MAGI1: variants seen among roughly 807,000 people sequenced by gnomAD.
MAGI1 encodes the protein membrane associated guanylate kinase, WW and PDZ domain containing 1.
MAGI1 carries 58 observed loss-of-function variants against 139.9 expected under a neutral mutation model. The ratio of observed to expected loss-of-function variants is 0.41; its 90% CI spans 0.34 to 0.52. The LOEUF (loss-of-function observed/expected upper bound fraction) is 0.52, where lower values mean the gene tolerates loss of function less well. MAGI1 is among the 20% of genes least tolerant of loss of function. MAGI1 has a pLI of 0.12. For synonymous variants in MAGI1, 812 were observed against 737.9 expected (o/e 1.10, Z -1.63); for missense variants, 1,874 against 1,901.6 (o/e 0.99, Z 0.27).
chr3:65,746,986 C>T lies in MAGI1; in HGVS notation c.314-124898G>A, dbSNP rs139493329. Among the ~76,000 whole-genome samples the T allele has an allele frequency of 5.5e-4, 84 of 152,132 alleles. 2 individuals are homozygous for T. Among genetic ancestry groups the T allele is most frequent in the Non-Finnish European group, 1.0e-3 (68 of 68,040 alleles). ...TGATCTAGTCTGGGCTAATGGAAGACGCCTTGATGAGGCACATTTAGAGTG... is the reference window on the plus strand; with the variant it reads ...TGATCTAGTCTGGGCTAATGGAAGATGCCTTGATGAGGCACATTTAGAGTG... On this transcript the variant is annotated intron_variant, in intron 1 of 22. Coordinates refer to ENST00000402939, the MANE Select transcript of MAGI1 (RefSeq NM_001033057.2).
chr3:65,423,009 T>C (rs1575689175), intron 12 of MAGI1, among the ~76,000 whole-genome samples: 1 of 152,268 alleles, frequency 6.6e-6, no homozygotes, highest in Non-Finnish European at 1.5e-5. Flanking sequence ...GCGAGGCCAC[T>C]GCAAGGCCAG....
intron 4 of MAGI1, among the ~76,000 whole-genome samples, chr3:65,473,679 A>G (rs1950695946): frequency 6.8e-6 from 1 of 147,680 alleles, no homozygotes; most frequent in South Asian, 2.1e-4. Context: ...CAATGTTCCC[A>G]GACAATGCGT....
intron 1 of MAGI1, among the ~76,000 whole-genome samples, chr3:65,666,294 A>AT (rs2086518410): frequency 6.6e-6 from 1 of 152,220 alleles, no homozygotes; most frequent in Admixed American, 6.5e-5. Context: ...ATAATCAGAG[A>AT]TACTATAAAT....
chr3:65,461,128 T>C (rs142528754), intron 5 of MAGI1, among the ~76,000 whole-genome samples: 1,682 of 152,294 alleles, frequency 0.011, 36 homozygotes, highest in African/African-American at 0.038. Flanking sequence ...TGCCACACCG[T>C]CTTCCACAAT....
rs187678706 is a variant in MAGI1, at chr3:65,628,334, C to T, written c.314-6246G>A. Among the ~76,000 whole-genome samples the T allele has an allele frequency of 5.3e-5, 8 of 152,136 alleles. 1 individual carries two copies. The highest frequency in any genetic ancestry group is 1.9e-4 in the African/African-American group (8 of 41,480). ...ACTCGTTATATAGTTGTACTCATGGCTATGGTTTATTCCAGCAAAAAGATA... is the reference window on the plus strand; with the variant it reads ...ACTCGTTATATAGTTGTACTCATGGTTATGGTTTATTCCAGCAAAAAGATA... On this transcript the variant is annotated intron_variant, in intron 1 of 22. Transcript: ENST00000402939.
At chr3:65,916,029 C>G (rs1370622511) in intron 1 of MAGI1, among the ~76,000 whole-genome samples, 2 of 148,160 alleles carry the variant, frequency 1.3e-5, no homozygotes, top group Non-Finnish European at 3.0e-5. Context: ...TTATAATATT[C>G]AATACACAGT....
At chr3:65,900,482 A>G (rs2061177718) in intron 1 of MAGI1, among the ~76,000 whole-genome samples, 1 of 152,210 alleles carries the variant, frequency 6.6e-6, no homozygotes, top group Non-Finnish European at 1.5e-5. Context: ...CACTCAATAA[A>G]TGTTCACTTA....
At chr3:65,512,516 T>G (rs1321927915) in intron 2 of MAGI1, among the ~76,000 whole-genome samples, 4 of 151,474 alleles carry the variant, frequency 2.6e-5, no homozygotes, top group Admixed American at 1.3e-4. Context: ...CATCAGAGAA[T>G]ACTACAAACA....
chr3:65,579,295 CA>C (rs1355412385), intron 2 of MAGI1, among the ~76,000 whole-genome samples: 1 of 152,024 alleles, frequency 6.6e-6, no homozygotes, highest in African/African-American at 2.4e-5. Context: ...AAGCTTCTGC[CA>C]AAAAACTAGG....
chr3:65,939,653 C>T (rs946381008), intron 1 of MAGI1, among the ~76,000 whole-genome samples: 4 of 152,144 alleles, frequency 2.6e-5, no homozygotes, highest in African/African-American at 7.2e-5. Context: ...TCTCCATACT[C>T]AGACAGGCCC....
At chr3:65,499,070 AAAAC>A in intron 2 of MAGI1, 14 of 978,906 alleles carry the variant, frequency 1.4e-5, no homozygotes, top group Non-Finnish European at 1.7e-5. Context: ...TAAAAAAAAA[AAAAC>A]AAAAAACTCT....
intron 1 of MAGI1, among the ~76,000 whole-genome samples, chr3:65,770,486 T>C (rs749653430): frequency 4.9e-4 from 75 of 152,052 alleles, no homozygotes; most frequent in Admixed American, 1.9e-3. Flanking sequence ...CAACCCTTAA[T>C]AGGGGCAAGG....
At chr3:65,856,776 T>C (rs971399602) in intron 1 of MAGI1, among the ~76,000 whole-genome samples, 1 of 152,156 alleles carries the variant, frequency 6.6e-6, no homozygotes, top group South Asian at 2.1e-4. Flanking sequence ...TAACCCTCTC[T>C]GCAAAACTAC....
chr3:65,824,368 G>A (rs1002029598), intron 1 of MAGI1, among the ~76,000 whole-genome samples: 1 of 152,132 alleles, frequency 6.6e-6, no homozygotes, highest in Non-Finnish European at 1.5e-5. Context: ...GGCCAAGAGT[G>A]ATTCACAAGT....
At chr3:65,390,766 A>G (rs1485615588) in intron 14 of MAGI1, among the ~76,000 whole-genome samples, 3 of 152,238 alleles carry the variant, frequency 2.0e-5, no homozygotes. Context: ...TTAGCCCAAA[A>G]TCCCAGTCAA....
intron 1 of MAGI1, among the ~76,000 whole-genome samples, chr3:65,685,523 T>C (rs901397012): frequency 4.6e-5 from 7 of 152,236 alleles, no homozygotes; most frequent in Admixed American, 1.3e-4. Flanking sequence ...ATATATATTT[T>C]GTATTACACA....
At chr3:65,395,402 G>T (rs182208180) in intron 13 of MAGI1, among the ~76,000 whole-genome samples, 167 of 151,908 alleles carry the variant, frequency 1.1e-3, no homozygotes, top group African/African-American at 3.8e-3. Context: ...AGCACTTTGG[G>T]AGGCCGAGGA....
chr3:65,506,438 C>T (rs983101112), intron 2 of MAGI1, among the ~76,000 whole-genome samples: 5 of 152,194 alleles, frequency 3.3e-5, no homozygotes, highest in Admixed American at 2.0e-4. Context: ...ACAAAGAGCA[C>T]AGGTTTTCTA....
At chr3:65,509,964 G>C (rs553430651) in intron 2 of MAGI1, among the ~76,000 whole-genome samples, 1 of 152,164 alleles carries the variant, frequency 6.6e-6, no homozygotes, top group East Asian at 1.9e-4. Context: ...TCTGAGAACC[G>C]GCAGACTGCC....
Sources: gnomAD v4.1 joint callset for allele counts (sites outside exome capture counted in the v4.1 genomes callset) on GRCh38, gnomAD v4.1.1 for gene constraint, MANE v1.5 for transcripts, NCBI Gene and HGNC (gene_info 2026-07-23, HGNC 2026-07-21) for gene names.